Variants in FRMPD3 observed in about 807,000 individuals in gnomAD.
FRMPD3 encodes FERM and PDZ domain-containing protein 3.
A neutral mutation model predicts 97.9 loss-of-function variants in FRMPD3; 42 were observed. The observed-to-expected ratio is 0.43, with a 90% CI of 0.34 to 0.55. FRMPD3 has a LOEUF of 0.55. Among genes scored for constraint, FRMPD3 ranks in the 20% least tolerant of loss-of-function variants. FRMPD3 has a pLI of 0.03. For synonymous variants in FRMPD3, 577 were observed against 581.1 expected, an observed-to-expected ratio of 0.99 and a Z score of 0.10; for missense variants, 1,303 against 1,457.7, an observed-to-expected ratio of 0.89 and a Z score of 1.73.
chrX:107,533,149 T>G (rs1602781978), intron 3 of FRMPD3, among the ~76,000 whole-genome samples: 1 of 112,264 alleles, frequency 8.9e-6, no homozygotes, highest in Admixed American at 9.4e-5. Context: ...AGTTCCATAA[T>G]GCAGGCTTTT....
intron 1 of FRMPD3, among the ~76,000 whole-genome samples, chrX:107,480,900 GAAAGAAAGAAAGAAA>G (rs1569410744): frequency 1.5e-3 from 77 of 51,370 alleles, no homozygotes; most frequent in African/African-American, 1.7e-3. Flanking sequence ...AGGAAGGAAA[GAAAGAAAGAAAGAAA>G]GAAAGAAAGA....
Position 107,602,335 on chromosome X carries a change from C to T in FRMPD3, c.4296C>T (p.Leu1432=). 2 of 1,210,497 alleles carry T rather than the reference C, an allele frequency of 1.7e-6. No homozygotes were observed. The highest frequency in any genetic ancestry group is 2.2e-6 in the Non-Finnish European group (2 of 895,145). ...AGGCCAAGGAGGTAGAGGCAAGCCT[C>T]CCCATAGCCTTGGGTCCCAAAAGCA... ...PREAKEVEAS[L]PIALGPKSRS... The change falls in exon 15 of 15, where the codon CTC becomes CTT. Residue 1432 remains leucine (L), a synonymous_variant. Transcript: ENST00000683843.
chrX:107,559,002 ATT>A (rs34486203), intron 8 of FRMPD3, among the ~76,000 whole-genome samples: 1 of 92,304 alleles, frequency 1.1e-5, no homozygotes, highest in Non-Finnish European at 2.1e-5. Flanking sequence ...CACTATAGCA[ATT>A]TTTTTTTTTT....
Position 107,522,160 on chromosome X carries a change from A to G in FRMPD3, c.-7-4422A>G, listed in dbSNP as rs1048152742. On this transcript the variant is annotated intron_variant, in intron 1 of 14. Coordinates refer to ENST00000683843, the MANE Select transcript of FRMPD3 (RefSeq NM_001388459.1). ...CGTTGCGGGGCTGTCTCTTAGAGGC[A>G]AGGAGTTGGGGGTAGGGCTTCGGCT... Among the ~76,000 whole-genome samples the G allele has an allele frequency of 6.3e-5, 7 of 111,179 alleles. No individual in the cohort carries two copies. The South Asian group carries it at 1.2e-3, about 18-fold the overall frequency.
At chrX:107,559,031 G>A (rs1477595509) in intron 8 of FRMPD3, among the ~76,000 whole-genome samples, 3 of 101,021 alleles carry the variant, frequency 3.0e-5, no homozygotes, top group African/African-American at 7.4e-5. Flanking sequence ...ATGGAGTTTC[G>A]CTCTCGGCTC....
At chrX:107,480,895 GGAAAGAAA>G (rs59050601) in intron 1 of FRMPD3, among the ~76,000 whole-genome samples, 3,399 of 60,157 alleles carry the variant, frequency 0.057, 108 homozygotes, top group African/African-American at 0.073. Context: ...AAGGAAGGAA[GGAAAGAAA>G]GAAAGAAAGA....
At chrX:107,574,593 G>T in intron 12 of FRMPD3, among the ~76,000 whole-genome samples, 1 of 112,333 alleles carries the variant, frequency 8.9e-6, no homozygotes, top group Non-Finnish European at 1.9e-5. Context: ...TGGAATCCTG[G>T]GAAAAAGAAA....
chrX:107,559,412 G>A (rs1922249823), intron 8 of FRMPD3, among the ~76,000 whole-genome samples: 1 of 111,967 alleles, frequency 8.9e-6, no homozygotes, highest in African/African-American at 3.2e-5. Flanking sequence ...TATCCATGGG[G>A]GTCCTGGAAG....
At chrX:107,456,080 T>G (rs766999416) in intron 1 of FRMPD3, among the ~76,000 whole-genome samples, 47 of 110,184 alleles carry the variant, frequency 4.3e-4, no homozygotes, top group South Asian at 8.1e-4. Flanking sequence ...TATTATTATT[T>G]TTAGAGACAG....
chrX:107,563,177 G>A lies in FRMPD3; in HGVS notation c.1093G>A (p.Val365Ile), dbSNP rs1922449982. Reference sequence around the variant, plus strand: ...GAATGAACTTCCTACCTTCACGGGCGTTTTGTTCAACACTGTAGGCCTGGT... The same window carrying A: ...GAATGAACTTCCTACCTTCACGGGCATTTTGTTCAACACTGTAGGCCTGGT... Reference protein sequence around the residue: ...ILNELPTFTGVLFNTVGLDEK... With the variant: ...ILNELPTFTGILFNTVGLDEK... Residue 365 changes from valine to isoleucine, a missense_variant, in exon 11 of 15, where the codon GTT becomes ATT. By Grantham distance (29) the Val-to-Ile change is conservative. Coordinates refer to ENST00000683843, the MANE Select transcript of FRMPD3 (RefSeq NM_001388459.1). 2 of 1,207,465 alleles carry A rather than the reference G, an allele frequency of 1.7e-6. No individual in the cohort carries two copies. Among genetic ancestry groups the A allele is most frequent in the Admixed American group, 2.2e-5 (1 of 45,747 alleles).
intron 1 of FRMPD3, among the ~76,000 whole-genome samples, chrX:107,478,574 A>G (rs1480763173): frequency 8.9e-6 from 1 of 111,908 alleles, no homozygotes. Context: ...AACCTAGCAC[A>G]GTTTCAAGCA....
intron 1 of FRMPD3, among the ~76,000 whole-genome samples, chrX:107,488,768 AAAACAAAC>A (rs779925980): frequency 2.7e-5 from 3 of 111,068 alleles, no homozygotes; most frequent in African/African-American, 9.8e-5. Context: ...GAGGGGCAAA[AAAACAAAC>A]AAACAAACAA....
At chrX:107,471,934 C>T (rs1921073693) in intron 1 of FRMPD3, among the ~76,000 whole-genome samples, 1 of 112,307 alleles carries the variant, frequency 8.9e-6, no homozygotes, top group Admixed American at 9.4e-5. Flanking sequence ...AAAAGCGTTC[C>T]TATTTCTCCA....
At chrX:107,558,058 T>A (rs1302182779) in intron 8 of FRMPD3, among the ~76,000 whole-genome samples, 1 of 107,959 alleles carries the variant, frequency 9.3e-6, no homozygotes, top group East Asian at 2.9e-4. Context: ...TACCAAAACC[T>A]GCTGTGATTT....
chrX:107,563,122 T>A lies in FRMPD3; in HGVS notation c.1038T>A (p.Ile346=). Residue 346 remains isoleucine (I), a synonymous_variant, in exon 11 of 15, where the codon ATT becomes ATA. Transcript: ENST00000683843. ...HPSCGTKGSA[I]QAKLQYLRIL... ...GGGTTTTTCCACAGGGCTCTGCAAT[T>A]CAGGCAAAGCTCCAGTATCTACGAA... is the stretch of plus-strand genomic sequence containing the variant. 1 of 1,209,081 alleles carries A rather than the reference T, an allele frequency of 8.3e-7. No homozygotes were observed. The highest frequency in any genetic ancestry group is 1.1e-6 in the Non-Finnish European group (1 of 893,937).
At chrX:107,591,603 C>G (rs1262677470) in intron 13 of FRMPD3, among the ~76,000 whole-genome samples, 1 of 111,908 alleles carries the variant, frequency 8.9e-6, no homozygotes, top group Non-Finnish European at 1.9e-5. Flanking sequence ...TAATTTGAGT[C>G]TTCTCTCTTT....
intron 13 of FRMPD3, among the ~76,000 whole-genome samples, chrX:107,589,594 A>T (rs1166815556): frequency 9.0e-6 from 1 of 111,369 alleles, no homozygotes; most frequent in African/African-American, 3.3e-5. Flanking sequence ...CCGTTAAAGG[A>T]TTCACATGCT....
In FRMPD3 at chrX:107,603,833, A is replaced by G. The variant is rs1924686609; in HGVS notation, c.*460A>G. 2 of 122,162 alleles carry G rather than the reference A, an allele frequency of 1.6e-5. No individual in the cohort carries two copies. The highest frequency in any genetic ancestry group is 3.2e-5 in the African/African-American group (1 of 30,992). 10.1% of individuals were successfully genotyped at this position (122,162 alleles called of 1,213,427 possible). On this transcript the variant is annotated 3_prime_UTR_variant, in exon 15 of 15. Coordinates refer to ENST00000683843, the MANE Select transcript of FRMPD3 (RefSeq NM_001388459.1). ...GGCCACATTGCCGTGCCGAGGGGAGAGGGCGCTCAGTCCAGATGTCCCCAT... is the reference window on the plus strand; with the variant it reads ...GGCCACATTGCCGTGCCGAGGGGAGGGGGCGCTCAGTCCAGATGTCCCCAT...
intron 1 of FRMPD3, among the ~76,000 whole-genome samples, chrX:107,517,771 AAG>A (rs1412707395): frequency 2.0e-5 from 2 of 99,962 alleles, no homozygotes; most frequent in African/African-American, 7.8e-5. Context: ...AAAAAAAAAA[AAG>A]AAAGAAAGAA....
Sources: gnomAD v4.1 joint callset for allele counts (sites outside exome capture counted in the v4.1 genomes callset) on GRCh38, gnomAD v4.1.1 for gene constraint, MANE v1.5 for transcripts, NCBI Gene and HGNC (gene_info 2026-07-23, HGNC 2026-07-21) for gene names.